The following NUDT3 variants were observed in gnomAD, a reference collection of about 807,000 sequenced individuals.
The protein encoded by NUDT3 is diphosphoinositol polyphosphate phosphohydrolase 1.
NUDT3 carries 9 observed loss-of-function variants against 23.6 expected under a neutral mutation model. The ratio of observed to expected loss-of-function variants is 0.38; its 90% confidence interval spans 0.23 to 0.66. The LOEUF (loss-of-function observed/expected upper bound fraction) is 0.66. NUDT3 is among the 30% of genes least tolerant of loss of function. The pLI is 0.52. For synonymous variants in NUDT3, 86 were observed against 82.6 expected, an observed-to-expected ratio of 1.04 and a Z score of -0.22; for missense variants, 172 against 218.5, an observed-to-expected ratio of 0.79 and a Z score of 1.34.
At chr6:34,305,414 T>C (rs545487253) in intron 2 of NUDT3, among the ~76,000 whole-genome samples, 83 of 152,360 alleles carry the variant, frequency 5.4e-4, no homozygotes, top group African/African-American at 1.8e-3. Context: ...TCTGTGGTTA[T>C]TTCCCTTTTT....
chr6:34,335,031 T>A lies in NUDT3; in HGVS notation c.210+6831A>T, dbSNP rs532840220. 2.7e-5 allele frequency among the ~76,000 whole-genome samples: 4 copies of A among 150,494 alleles called. No homozygotes were observed. The South Asian group carries it at 8.4e-4, about 32-fold the overall frequency. The stretch of plus-strand genomic sequence containing the variant: ...AAGGAAGACTACACAGAGTATAAAG[T>A]CTAGCACAAAAGACAGTAATTAAAC... On this transcript the variant is annotated intron_variant, in intron 2 of 4. Coordinates refer to ENST00000607016, the MANE Select transcript of NUDT3 (RefSeq NM_006703.4).
chr6:34,289,233 A>G (rs1031645567), intron 4 of NUDT3, among the ~76,000 whole-genome samples: 12 of 152,222 alleles, frequency 7.9e-5, no homozygotes, highest in African/African-American at 2.6e-4. Flanking sequence ...TTGCACATAC[A>G]TAGGGATCAA....
At chr6:34,351,226 A>AAAAAAAAAAAAAAAAAAAC (rs1554154786) in intron 1 of NUDT3, among the ~76,000 whole-genome samples, 2 of 133,976 alleles carry the variant, frequency 1.5e-5, no homozygotes, top group African/African-American at 6.3e-5. Context: ...AAAAAAAAAA[A>AAAAAAAAAAAAAAAAAAAC]CACTTTGGGA....
rs115033963 is a variant in NUDT3, at chr6:34,320,805, G to C, written c.210+21057C>G. Among the ~76,000 whole-genome samples, 217 of 152,042 alleles carry C rather than the reference G, an allele frequency of 1.4e-3. 1 individual carries two copies. The highest frequency in any genetic ancestry group is 4.9e-3 in the African/African-American group (202 of 41,506). On this transcript the variant is annotated intron_variant, in intron 2 of 4. Transcript: ENST00000607016. ...GAGCTATGATCACACCACTCCATTC[G>C]AGCTTGGACAAAGTGAGACCCTGTC...
chr6:34,367,833 T>C (rs1307987717), intron 1 of NUDT3, among the ~76,000 whole-genome samples: 1 of 152,212 alleles, frequency 6.6e-6, no homozygotes, highest in Non-Finnish European at 1.5e-5. Context: ...AAAGAAGAGC[T>C]GTGCCATGGG....
chr6:34,351,226 A>AAAAAAAAAAAAAAC (rs1554154786), intron 1 of NUDT3, among the ~76,000 whole-genome samples: 5 of 134,074 alleles, frequency 3.7e-5, no homozygotes, highest in African/African-American at 1.6e-4. Context: ...AAAAAAAAAA[A>AAAAAAAAAAAAAAC]CACTTTGGGA....
At chr6:34,292,510 T>TCC (rs1193817163) in intron 4 of NUDT3, among the ~76,000 whole-genome samples, 4 of 152,054 alleles carry the variant, frequency 2.6e-5, no homozygotes, top group Non-Finnish European at 4.4e-5. Flanking sequence ...AGAAAATGGC[T>TCC]CCTTTGGGAG....
intron 2 of NUDT3, among the ~76,000 whole-genome samples, chr6:34,321,718 G>A (rs1045285242): frequency 1.3e-5 from 2 of 152,064 alleles, no homozygotes; most frequent in African/African-American, 4.8e-5. Flanking sequence ...CTCTCACCAA[G>A]GCGCCCAGGT....
intron 1 of NUDT3, among the ~76,000 whole-genome samples, chr6:34,364,078 T>C (rs1309324636): frequency 6.6e-6 from 1 of 152,238 alleles, no homozygotes; most frequent in Admixed American, 6.5e-5. Flanking sequence ...AGACTAAACT[T>C]GACCATGATC....
intron 1 of NUDT3, among the ~76,000 whole-genome samples, chr6:34,373,241 T>G (rs562604165): frequency 1.4e-4 from 18 of 128,898 alleles, no homozygotes; most frequent in African/African-American, 5.5e-4. Flanking sequence ...ATCACGCCAC[T>G]GCACTCTAGC....
chr6:34,307,075 T>A (rs554688675), intron 2 of NUDT3, among the ~76,000 whole-genome samples: 1 of 152,140 alleles, frequency 6.6e-6, no homozygotes, highest in East Asian at 1.9e-4. Flanking sequence ...AGCAAAAACA[T>A]TTATATCATT....
At chr6:34,344,853 G>A (rs144148399) in intron 1 of NUDT3, among the ~76,000 whole-genome samples, 129 of 151,804 alleles carry the variant, frequency 8.5e-4, no homozygotes, top group African/African-American at 1.7e-3. Flanking sequence ...AGGTTTCACC[G>A]TGTTAGCCAG....
intron 3 of NUDT3, 34 bp downstream of exon 3, chr6:34,295,607 A>T: frequency 6.2e-7 from 1 of 1,610,948 alleles, no homozygotes; most frequent in Non-Finnish European, 8.5e-7. Context: ...TTATTAATAC[A>T]TATCATTTGT....
intron 2 of NUDT3, among the ~76,000 whole-genome samples, chr6:34,297,751 ATATATATAATTTTTT>A (rs1561899098): frequency 1.2e-4 from 12 of 99,780 alleles, no homozygotes; most frequent in African/African-American, 5.7e-4. Flanking sequence ...ATATATATAT[ATATATATAATTTTTT>A]TTTTTTTTTT....
At chr6:34,295,562 G>A in intron 3 of NUDT3, 79 bp downstream of exon 3, 6 of 1,457,740 alleles carry the variant, frequency 4.1e-6, no homozygotes, top group Non-Finnish European at 2.8e-6. Flanking sequence ...CGCTGAAACA[G>A]AAATGGCATT....
intron 2 of NUDT3, among the ~76,000 whole-genome samples, chr6:34,323,885 T>A (rs963933444): frequency 2.0e-5 from 3 of 152,184 alleles, no homozygotes; most frequent in African/African-American, 7.2e-5. Context: ...GCCATGGAAT[T>A]AGGGTAATAT....
intron 1 of NUDT3, among the ~76,000 whole-genome samples, chr6:34,389,139 G>C (rs1002884778): frequency 6.6e-6 from 1 of 152,128 alleles, no homozygotes; most frequent in Admixed American, 6.6e-5. Context: ...ATCTCATCTC[G>C]ATTTGTAATC....
intron 2 of NUDT3, among the ~76,000 whole-genome samples, chr6:34,339,304 T>G (rs541648654): frequency 6.6e-6 from 1 of 152,318 alleles, no homozygotes; most frequent in East Asian, 1.9e-4. Context: ...AACTTTCTAG[T>G]CTCTCCATGT....
intron 2 of NUDT3, among the ~76,000 whole-genome samples, chr6:34,297,276 T>C (rs774194108): frequency 6.6e-6 from 1 of 152,030 alleles, no homozygotes; most frequent in Non-Finnish European, 1.5e-5. Context: ...TCTCTACATT[T>C]TTATAAATAA....
Sources: gnomAD v4.1 joint callset for allele counts (sites outside exome capture counted in the v4.1 genomes callset) on GRCh38, gnomAD v4.1.1 for gene constraint, MANE v1.5 for transcripts, NCBI Gene and HGNC (gene_info 2026-07-23, HGNC 2026-07-21) for gene names.